SH3PXD2A: variants seen among roughly 807,000 people sequenced by gnomAD.
SH3PXD2A encodes SH3 and PX domain-containing protein 2A.
SH3PXD2A carries 32 observed loss-of-function variants against 115.2 expected under a neutral mutation model. The observed-to-expected ratio is 0.28, with a 90% confidence interval of 0.21 to 0.37. The LOEUF (loss-of-function observed/expected upper bound fraction) is 0.37. Among genes scored for constraint, SH3PXD2A ranks in the 10% least tolerant of loss-of-function variants. The pLI, the probability that SH3PXD2A is intolerant of heterozygous loss-of-function variation, is 1.00. For synonymous variants in SH3PXD2A, 610 were observed against 629.1 expected, an observed-to-expected ratio of 0.97 and a Z score of 0.45; for missense variants, 1,328 against 1,498.7, an observed-to-expected ratio of 0.89 and a Z score of 1.88.
At chr10:103,673,968 C>T (rs551722634) in intron 6 of SH3PXD2A, among the ~76,000 whole-genome samples, 1 of 152,318 alleles carries the variant, frequency 6.6e-6, no homozygotes, top group South Asian at 2.1e-4. Flanking sequence ...TTCTCCATGC[C>T]CTTCCATCCT....
At chr10:103,687,464 A>T (rs2134119126) in intron 6 of SH3PXD2A, among the ~76,000 whole-genome samples, 1 of 152,244 alleles carries the variant, frequency 6.6e-6, no homozygotes, top group South Asian at 2.1e-4. Flanking sequence ...ACCCCAGGCA[A>T]CCTGATGCAG....
At chr10:103,641,342 T>C (rs2036952597) in intron 8 of SH3PXD2A, among the ~76,000 whole-genome samples, 1 of 151,172 alleles carries the variant, frequency 6.6e-6, no homozygotes, top group Admixed American at 6.6e-5. Flanking sequence ...GAGAAAGGAG[T>C]TCTGAGGACC....
intron 8 of SH3PXD2A, among the ~76,000 whole-genome samples, chr10:103,640,192 G>A (rs2036933449): frequency 6.6e-6 from 1 of 152,162 alleles, no homozygotes; most frequent in East Asian, 1.9e-4. Flanking sequence ...GCACATGCCT[G>A]TAATCCCAGC....
At chr10:103,691,335 T>A (rs1252777156) in intron 6 of SH3PXD2A, among the ~76,000 whole-genome samples, 1 of 152,156 alleles carries the variant, frequency 6.6e-6, no homozygotes, top group Admixed American at 6.6e-5. Flanking sequence ...TTAGCATTTT[T>A]GTTTTAAAGA....
intron 3 of SH3PXD2A, among the ~76,000 whole-genome samples, chr10:103,762,935 T>C (rs2038716253): frequency 6.8e-6 from 1 of 147,084 alleles, no homozygotes; most frequent in Non-Finnish European, 1.5e-5. Flanking sequence ...CAACACTCCA[T>C]CTGTCCCCCA....
chr10:103,681,650 G>A (rs1255394964), intron 6 of SH3PXD2A, among the ~76,000 whole-genome samples: 2 of 152,140 alleles, frequency 1.3e-5, no homozygotes, highest in Admixed American at 6.5e-5. Flanking sequence ...AGGCTGAGGC[G>A]GGAGAATCAC....
intron 1 of SH3PXD2A, among the ~76,000 whole-genome samples, chr10:103,806,818 C>T (rs1012581687): frequency 1.3e-5 from 2 of 152,196 alleles, no homozygotes; most frequent in African/African-American, 2.4e-5. Context: ...TCCAGCTTCC[C>T]CTGGGTCAGT....
intron 1 of SH3PXD2A, among the ~76,000 whole-genome samples, chr10:103,852,710 C>T (rs1842907556): frequency 1.3e-5 from 2 of 152,226 alleles, no homozygotes; most frequent in Admixed American, 6.5e-5. Flanking sequence ...ACCCGCTCCT[C>T]CTGCCCCTGT....
intron 11 of SH3PXD2A, among the ~76,000 whole-genome samples, chr10:103,616,519 A>G (rs1156634774): frequency 6.6e-6 from 1 of 152,224 alleles, no homozygotes; most frequent in Admixed American, 6.5e-5. Context: ...GCAGGTCAGG[A>G]AAGACCCCAC....
At chr10:103,828,568 T>G (rs1430391226) in intron 1 of SH3PXD2A, among the ~76,000 whole-genome samples, 3 of 152,110 alleles carry the variant, frequency 2.0e-5, no homozygotes, top group Non-Finnish European at 4.4e-5. Context: ...TGGTGGAAAG[T>G]GGGTGGGAGA....
At chr10:103,804,952 G>A (rs1038682626) in intron 1 of SH3PXD2A, among the ~76,000 whole-genome samples, 1 of 152,118 alleles carries the variant, frequency 6.6e-6, no homozygotes, top group Non-Finnish European at 1.5e-5. Context: ...AGCAGAGGCT[G>A]AGCCCACACC....
chr10:103,852,801 A>ATAT (rs1842908446), intron 1 of SH3PXD2A, among the ~76,000 whole-genome samples: 1 of 152,250 alleles, frequency 6.6e-6, no homozygotes, highest in African/African-American at 2.4e-5. Context: ...TAATATATAC[A>ATAT]ATGCCCCAAA....
intron 6 of SH3PXD2A, among the ~76,000 whole-genome samples, chr10:103,677,158 CCTT>C (rs1277590253): frequency 2.6e-5 from 4 of 152,210 alleles, no homozygotes; most frequent in East Asian, 1.9e-4. Context: ...TGGAATGTCT[CCTT>C]CTCTCCAGAC....
At chr10:103,751,010 C>T (rs1429209382) in intron 3 of SH3PXD2A, among the ~76,000 whole-genome samples, 2 of 152,190 alleles carry the variant, frequency 1.3e-5, no homozygotes, top group Admixed American at 6.5e-5. Flanking sequence ...ACTTTTTCTA[C>T]CACTGAGCTG....
At position 103,724,252 on chromosome 10, in the gene SH3PXD2A, G is replaced by A; in HGVS notation, c.398+18C>T. The A allele has an allele frequency of 6.8e-7, 1 of 1,474,456 alleles. No individual in the cohort carries two copies. The highest frequency in any genetic ancestry group is 1.3e-5 in the South Asian group (1 of 79,754). 91.3% of individuals were successfully genotyped at this position (1,474,456 alleles called of 1,614,324 possible). A position where few individuals can be genotyped will look rare whatever the true frequency, so the allele number is the denominator to read the frequency against. ...CACGCCTCCCCAGCACACAGGAGAGGCCTGAGCTATTACTTACTCTTTTGG... is the reference window on the plus strand; with the variant it reads ...CACGCCTCCCCAGCACACAGGAGAGACCTGAGCTATTACTTACTCTTTTGG... On this transcript the variant is annotated intron_variant, in intron 5 of 14. Transcript: ENST00000369774.
chr10:103,810,952 G>GCGCACACACACA (rs549107444), intron 1 of SH3PXD2A, among the ~76,000 whole-genome samples: 1 of 19,872 alleles, frequency 5.0e-5, no homozygotes, highest in African/African-American at 1.0e-4. Flanking sequence ...GCGCGCGCGC[G>GCGCACACACACA]CACACACACA....
intron 8 of SH3PXD2A, among the ~76,000 whole-genome samples, chr10:103,637,164 T>C (rs536742699): frequency 4.6e-5 from 7 of 152,212 alleles, no homozygotes; most frequent in Non-Finnish European, 8.8e-5. Flanking sequence ...CACCCAGGCA[T>C]GGCACACGCG....
At chr10:103,783,558 C>T (rs1375297271) in intron 2 of SH3PXD2A, among the ~76,000 whole-genome samples, 29 of 152,200 alleles carry the variant, frequency 1.9e-4, no homozygotes, top group Non-Finnish European at 1.5e-5. Context: ...GTTTGAATCC[C>T]TTTTGGCATC....
Position 103,664,670 on chromosome 10 carries a change from C to T in SH3PXD2A, c.473-3556G>A, listed in dbSNP as rs1359439019. Among the ~76,000 whole-genome samples the T allele has an allele frequency of 1.4e-5, 2 of 142,032 alleles. 1 individual carries two copies. Among genetic ancestry groups the T allele is most frequent in the South Asian group, 4.5e-4 (2 of 4,494 alleles). 93.2% of individuals were successfully genotyped at this position (142,032 alleles called of 152,430 possible). On this transcript the variant is annotated intron_variant, in intron 7 of 14. Transcript: ENST00000369774. ...CTAGAGTATGGGTTTCTTTCTCTCT[C>T]TTTTTTTTTTTTTTGAGACGGAGTC...
Sources: allele counts gnomAD v4.1 joint callset (sites outside exome capture counted in the v4.1 genomes callset), GRCh38; gene constraint gnomAD v4.1.1; transcripts MANE v1.5; gene names NCBI Gene and HGNC (gene_info 2026-07-23, HGNC 2026-07-21).